The following PTCHD4 variants were observed in gnomAD, a reference collection of about 807,000 sequenced individuals.
PTCHD4 encodes patched domain containing 4.
In PTCHD4, 33 loss-of-function variants were observed where a neutral mutation model predicts 58.1. The observed-to-expected ratio is 0.57, with a 90% confidence interval of 0.43 to 0.76. The LOEUF is 0.76. PTCHD4 is among the 30% of genes least tolerant of loss of function. The pLI is 0.00. For missense variants in PTCHD4, 1,058 were observed against 1,027.1 expected, an observed-to-expected ratio of 1.03 and a Z score of -0.41; for synonymous variants, 478 against 409.6, an observed-to-expected ratio of 1.17 and a Z score of -2.02.
chr6:48,075,506 C>T (rs1765047867), intron 1 of PTCHD4, among the ~76,000 whole-genome samples: 1 of 148,310 alleles, frequency 6.7e-6, no homozygotes, highest in Non-Finnish European at 1.5e-5. Flanking sequence ...TCACCTTGGT[C>T]AAATCATTCC....
intron 4 of PTCHD4, among the ~76,000 whole-genome samples, chr6:47,920,335 G>A (rs1399357345): frequency 6.6e-6 from 1 of 152,172 alleles, no homozygotes; most frequent in East Asian, 1.9e-4. Flanking sequence ...ATTTTTACCT[G>A]AGTGATTGTG....
intron 4 of PTCHD4, among the ~76,000 whole-genome samples, chr6:47,936,160 G>T (rs1765991793): frequency 6.6e-6 from 1 of 152,208 alleles, no homozygotes; most frequent in South Asian, 2.1e-4. Flanking sequence ...GACAAAACAA[G>T]AGGCTATTGC....
chr6:48,095,307 C>T (rs1450348338), intron 1 of PTCHD4, among the ~76,000 whole-genome samples: 1 of 152,106 alleles, frequency 6.6e-6, no homozygotes, highest in Non-Finnish European at 1.5e-5. Context: ...TGGATTGCAC[C>T]TACGAAGATA....
chr6:47,878,813 G>A lies in PTCHD4; in HGVS notation c.2022C>T (p.Phe674=). The A allele has an allele frequency of 6.2e-7, 1 of 1,613,532 alleles. No homozygotes were observed. The highest frequency in any genetic ancestry group is 2.2e-5 in the East Asian group (1 of 44,836). ...AGTTTCCCAGAGGGTGGATCACTAG[G>A]AAAAAAGTCAGGATTAACACCAGGA... ...GVLLVLILTF[F]LVIHPLGNFW... Residue 674 remains phenylalanine (F), a synonymous_variant, in exon 5 of 5, where the codon TTC becomes TTT. Transcript: ENST00000339488.
chr6:48,084,231 A>G (rs1335507036), intron 1 of PTCHD4, among the ~76,000 whole-genome samples: 5 of 152,198 alleles, frequency 3.3e-5, no homozygotes, highest in African/African-American at 4.8e-5. Context: ...ATTTGTTTAT[A>G]TCTTAAATAA....
rs551668775 is a variant in PTCHD4 at position 48,032,406 on chromosome 6, C to T, written c.418-23292G>A. On this transcript the variant is annotated intron_variant, in intron 3 of 4. Coordinates refer to ENST00000339488, the MANE Select transcript of PTCHD4 (RefSeq NM_001384253.1). ...GAGAAAAATAGCTCGCTCTCTCTCTCCCTCTCTCTGTGTATGCGTGTGTGT... is the reference window on the plus strand; with the variant it reads ...GAGAAAAATAGCTCGCTCTCTCTCTTCCTCTCTCTGTGTATGCGTGTGTGT... 3.9e-5 allele frequency among the ~76,000 whole-genome samples: 6 copies of T among 152,090 alleles called. No homozygotes were observed. In the East Asian group the frequency reaches 1.2e-3, roughly 29 times the overall value.
intron 4 of PTCHD4, among the ~76,000 whole-genome samples, chr6:47,984,708 T>C (rs1456314413): frequency 6.6e-6 from 1 of 152,006 alleles, no homozygotes; most frequent in Non-Finnish European, 1.5e-5. Context: ...CAGAAGATAA[T>C]GCCCCAGAAA....
chr6:47,882,757 T>TATATATATATA (rs1554149156), intron 4 of PTCHD4, among the ~76,000 whole-genome samples: 2 of 146,704 alleles, frequency 1.4e-5, no homozygotes, highest in Admixed American at 6.9e-5. Flanking sequence ...TATATATATA[T>TATATATATATA]TCCTTAAATT....
chr6:48,068,431 A>C lies in PTCHD4; in HGVS notation c.216T>G (p.Ala72=), dbSNP rs1562037334. ...CGATCTTGGCCAGGCTGTGGCTGGGAGCGACCAGGCGCTCCAGGTCGCCCT... is the reference window on the plus strand; with the variant it reads ...CGATCTTGGCCAGGCTGTGGCTGGGCGCGACCAGGCGCTCCAGGTCGCCCT... ...QPEGDLERLV[A]PSHSLAKIER... is the part of the protein sequence containing the mutation. The change falls in exon 3 of 5, where the codon GCT becomes GCG. Residue 72 remains alanine, a synonymous_variant. Coordinates refer to ENST00000339488, the MANE Select transcript of PTCHD4 (RefSeq NM_001384253.1). The surrounding 1 kb of genome is among the most constrained non-coding windows in gnomAD (Gnocchi z 4.2). The C allele has an allele frequency of 1.2e-6, 2 of 1,613,802 alleles. No homozygotes were observed. The highest frequency in any genetic ancestry group is 1.7e-6 in the Non-Finnish European group (2 of 1,179,864).
Position 48,069,872 on chromosome 6 carries a change from C to T in PTCHD4, c.-915G>A, listed in dbSNP as rs1307481140. 2.0e-5 allele frequency among the ~76,000 whole-genome samples: 3 copies of T among 152,086 alleles called. No individual in the cohort carries two copies. Among genetic ancestry groups the T allele is most frequent in the Non-Finnish European group, 4.4e-5 (3 of 68,022 alleles). ...AGCCATCTGGTTCAGGCTAATTTTC[C>T]CCTGTGAGTGGAATTCCAGAAACAG... On this transcript the variant is annotated 5_prime_UTR_variant, in exon 2 of 5. Transcript: ENST00000339488.
intron 4 of PTCHD4, among the ~76,000 whole-genome samples, chr6:47,912,086 G>A (rs1294555568): frequency 2.0e-5 from 3 of 152,076 alleles, no homozygotes; most frequent in Admixed American, 1.3e-4. Flanking sequence ...ATAAAGAAGA[G>A]AATAGAGAAT....
chr6:47,986,217 A>T (rs1768059094), intron 4 of PTCHD4, among the ~76,000 whole-genome samples: 1 of 152,124 alleles, frequency 6.6e-6, no homozygotes, highest in African/African-American at 2.4e-5. Flanking sequence ...ATCTGATATG[A>T]CCTTCAGCCA....
chr6:48,003,492 C>A (rs1215233076), intron 4 of PTCHD4, among the ~76,000 whole-genome samples: 1 of 152,088 alleles, frequency 6.6e-6, no homozygotes, highest in Non-Finnish European at 1.5e-5. Context: ...AAATATTTAT[C>A]CTGAGTCTAA....
chr6:47,937,441 AT>A (rs1334675677), intron 4 of PTCHD4, among the ~76,000 whole-genome samples: 5 of 152,170 alleles, frequency 3.3e-5, no homozygotes, highest in African/African-American at 1.2e-4. Flanking sequence ...ATTATTCCAT[AT>A]TTTTGGTTAT....
rs987560264 is a variant in PTCHD4 at position 47,859,707 on chromosome 6, A to G, written c.*18596T>C. 6.6e-6 allele frequency among the ~76,000 whole-genome samples: 1 copy of G among 152,058 alleles called. No individual in the cohort carries two copies. Among genetic ancestry groups the G allele is most frequent in the Non-Finnish European group, 1.5e-5 (1 of 67,990 alleles). ...AGACAGACAATAAACAAATCCCATG[A>G]CAAATATGAAAGAAGGGAGGAGATT... is the stretch of plus-strand genomic sequence containing the variant. On this transcript the variant is annotated 3_prime_UTR_variant, in exon 5 of 5. Coordinates refer to ENST00000339488, the MANE Select transcript of PTCHD4 (RefSeq NM_001384253.1).
At chr6:47,900,426 A>G (rs1479293240) in intron 4 of PTCHD4, 3 of 152,246 alleles carry the variant, frequency 2.0e-5, no homozygotes, top group African/African-American at 7.2e-5. Context: ...TTCTTAGAAT[A>G]AATGTCTATT....
At chr6:48,096,579 T>C (rs1765474264) in intron 1 of PTCHD4, among the ~76,000 whole-genome samples, 2 of 144,540 alleles carry the variant, frequency 1.4e-5, no homozygotes, top group African/African-American at 5.2e-5. Context: ...GCCACTGCAC[T>C]CCAGCCTGGG....
chr6:47,968,900 A>G (rs1412156249), intron 4 of PTCHD4, among the ~76,000 whole-genome samples: 1 of 152,172 alleles, frequency 6.6e-6, no homozygotes, highest in African/African-American at 2.4e-5. Context: ...TACATTATTC[A>G]CTGATTTCTC....
At chr6:47,936,942 A>G (rs974433420) in intron 4 of PTCHD4, among the ~76,000 whole-genome samples, 1 of 152,200 alleles carries the variant, frequency 6.6e-6, no homozygotes, top group Non-Finnish European at 1.5e-5. Context: ...TAAGCTGGAG[A>G]GCATTCTAGG....
Sources: allele counts gnomAD v4.1 joint callset (sites outside exome capture counted in the v4.1 genomes callset), GRCh38; gene constraint gnomAD v4.1.1; non-coding constraint Gnocchi (gnomAD v3.1); transcripts MANE v1.5; gene names NCBI Gene and HGNC (gene_info 2026-07-23, HGNC 2026-07-21).